The following ITFG1 variants were observed in gnomAD, a reference collection of about 807,000 sequenced individuals.
ITFG1 encodes the protein T-cell immunomodulatory protein.
In ITFG1, 34 loss-of-function variants were observed where a neutral mutation model predicts 81.8. The ratio of observed to expected loss-of-function variants is 0.42; its 90% confidence interval spans 0.32 to 0.55. The LOEUF (loss-of-function observed/expected upper bound fraction) is 0.55. Among genes scored for constraint, ITFG1 ranks in the 20% least tolerant of loss-of-function variants. The pLI is 0.17. For missense variants in ITFG1, 672 were observed against 755.4 expected, an observed-to-expected ratio of 0.89 and a Z score of 1.29; for synonymous variants, 285 against 270.6, an observed-to-expected ratio of 1.05 and a Z score of -0.52.
rs573069245 is a variant in ITFG1 at position 47,368,213 on chromosome 16, G to A, written c.721-2344C>T. 1.4e-4 allele frequency among the ~76,000 whole-genome samples: 20 copies of A among 144,702 alleles called. No homozygotes were observed. The Admixed American group carries it at 1.4e-3, about 10-fold the overall frequency. The allele number at this position is 144,702 out of a possible 152,430, so 94.9% of individuals were successfully genotyped here. A position where few individuals can be genotyped will look rare whatever the true frequency, so the allele number is the denominator to read the frequency against. The stretch of plus-strand genomic sequence containing the variant: ...TGCACCACTGCACTCCAGCCTGGGT[G>A]ACAGAGCGAGACTCCGTCTCAATTA... On this transcript the variant is annotated intron_variant, in intron 7 of 17. Transcript: ENST00000320640.
intron 8 of ITFG1, among the ~76,000 whole-genome samples, chr16:47,333,134 T>C (rs1034381209): frequency 3.3e-5 from 5 of 152,164 alleles, no homozygotes; most frequent in African/African-American, 4.8e-5. Context: ...AAGAAGGAAA[T>C]TGATAATTCC....
chr16:47,336,939 T>C (rs1967711732), intron 8 of ITFG1, among the ~76,000 whole-genome samples: 1 of 147,436 alleles, frequency 6.8e-6, no homozygotes, highest in South Asian at 2.2e-4. Context: ...CTTCAGCTTT[T>C]GGGACACAGC....
intron 13 of ITFG1, among the ~76,000 whole-genome samples, chr16:47,222,294 T>A (rs1266714422): frequency 2.0e-5 from 3 of 151,996 alleles, no homozygotes; most frequent in Non-Finnish European, 4.4e-5. Context: ...GTGTCTTTGT[T>A]CTCGTTGGTT....
chr16:47,196,237 G>A (rs1965356012), intron 14 of ITFG1: 1 of 149,620 alleles, frequency 6.7e-6, no homozygotes, highest in Admixed American at 6.7e-5. Context: ...CCTGCATGGT[G>A]TGGTCTGAGC....
At chr16:47,350,377 G>T (rs573432888) in intron 8 of ITFG1, among the ~76,000 whole-genome samples, 6 of 151,870 alleles carry the variant, frequency 4.0e-5, no homozygotes, top group Admixed American at 6.6e-5. Context: ...AATGATAAAG[G>T]GGATATCACC....
chr16:47,453,764 T>C (rs1289236086), intron 3 of ITFG1, among the ~76,000 whole-genome samples: 1 of 152,218 alleles, frequency 6.6e-6, no homozygotes, highest in Non-Finnish European at 1.5e-5. Context: ...TCAATGATTC[T>C]GTGAGCCACT....
chr16:47,428,664 C>G (rs2151609528), intron 6 of ITFG1, 140 bp downstream of exon 6: 1 of 645,442 alleles, frequency 1.5e-6, no homozygotes, highest in East Asian at 2.9e-5. Context: ...TCCATGTTTC[C>G]AAATCACTGA....
At chr16:47,438,035 A>AT (rs1438673309) in intron 5 of ITFG1, among the ~76,000 whole-genome samples, 1 of 152,214 alleles carries the variant, frequency 6.6e-6, no homozygotes, top group Non-Finnish European at 1.5e-5. Flanking sequence ...AGGAGATTAC[A>AT]TCCTGCACCT....
At chr16:47,377,947 A>G (rs1231601925) in intron 6 of ITFG1, among the ~76,000 whole-genome samples, 1 of 152,234 alleles carries the variant, frequency 6.6e-6, no homozygotes, top group African/African-American at 2.4e-5. Flanking sequence ...TAATTGCTCT[A>G]TTATGTCTTT....
intron 6 of ITFG1, among the ~76,000 whole-genome samples, chr16:47,395,599 CT>C (rs1475291314): frequency 6.6e-6 from 1 of 152,174 alleles, no homozygotes; most frequent in Admixed American, 6.5e-5. Flanking sequence ...CCTTAGGTGA[CT>C]AAGGATCACT....
intron 8 of ITFG1, among the ~76,000 whole-genome samples, chr16:47,360,556 C>T (rs1968096320): frequency 6.6e-6 from 1 of 152,110 alleles, no homozygotes; most frequent in Non-Finnish European, 1.5e-5. Flanking sequence ...GCACCCAGAA[C>T]TTTCTGCTTT....
chr16:47,297,195 T>A (rs538025580), intron 10 of ITFG1, among the ~76,000 whole-genome samples: 1 of 152,174 alleles, frequency 6.6e-6, no homozygotes, highest in Non-Finnish European at 1.5e-5. Context: ...TTTTTTACTG[T>A]TTTTGATTTA....
At chr16:47,391,736 G>T (rs930795017) in intron 6 of ITFG1, among the ~76,000 whole-genome samples, 2 of 152,114 alleles carry the variant, frequency 1.3e-5, no homozygotes, top group African/African-American at 4.8e-5. Context: ...CATGCATCTT[G>T]TTAGATTACT....
chr16:47,289,711 A>G (rs556927323), intron 10 of ITFG1, among the ~76,000 whole-genome samples: 1 of 151,208 alleles, frequency 6.6e-6, no homozygotes, highest in Non-Finnish European at 1.5e-5. Context: ...TTCCTTTTTG[A>G]TTTTATTTAT....
At position 47,461,046 on chromosome 16, in the gene ITFG1, G is replaced by C. The variant is rs1014054703; in HGVS notation, c.-1C>G. Reference sequence around the variant, plus strand: ...TCGGGAGCCGGCCCGCCGCCGCCATGGCAGCCCCTCAGCCCCCGCCCGCCG... The same window carrying C: ...TCGGGAGCCGGCCCGCCGCCGCCATCGCAGCCCCTCAGCCCCCGCCCGCCG... On this transcript the variant is annotated 5_prime_UTR_variant, in exon 1 of 18. Coordinates refer to ENST00000320640, the MANE Select transcript of ITFG1 (RefSeq NM_030790.5). The C allele has an allele frequency of 2.0e-6, 3 of 1,538,178 alleles. No individual in the cohort carries two copies. Among genetic ancestry groups the C allele is most frequent in the Non-Finnish European group, 2.6e-6 (3 of 1,144,986 alleles).
chr16:47,441,528 C>T (rs949322607), intron 5 of ITFG1, among the ~76,000 whole-genome samples: 12 of 152,082 alleles, frequency 7.9e-5, no homozygotes, highest in African/African-American at 2.9e-4. Flanking sequence ...GTTCAACATA[C>T]GAAAATAAAT....
At chr16:47,202,038 A>G (rs1344775138) in intron 14 of ITFG1, 1 of 152,208 alleles carries the variant, frequency 6.6e-6, no homozygotes, top group East Asian at 1.9e-4. Context: ...AGTGTTACTT[A>G]TAGTCCCAGA....
At chr16:47,430,010 C>A (rs1225948293) in intron 5 of ITFG1, among the ~76,000 whole-genome samples, 1 of 149,032 alleles carries the variant, frequency 6.7e-6, no homozygotes, top group Admixed American at 6.8e-5. Context: ...AGGCCTTTAT[C>A]TAGTATATGA....
intron 5 of ITFG1, among the ~76,000 whole-genome samples, chr16:47,433,193 T>C (rs559317827): frequency 6.6e-6 from 1 of 152,356 alleles, no homozygotes; most frequent in East Asian, 1.9e-4. Context: ...AGGAAGACTC[T>C]AGAAAAGTGA....
Sources: allele counts gnomAD v4.1 joint callset (sites outside exome capture counted in the v4.1 genomes callset), GRCh38; gene constraint gnomAD v4.1.1; transcripts MANE v1.5; gene names NCBI Gene and HGNC (gene_info 2026-07-23, HGNC 2026-07-21).